Variants in COL21A1 observed in about 807,000 individuals in gnomAD.
COL21A1 encodes the protein collagen type XXI alpha 1 chain, also known as collagen alpha-1(XXI) chain.
COL21A1 carries 149 observed loss-of-function variants against 137.9 expected under a neutral mutation model. That is an observed-to-expected ratio of 1.08 (90% CI 0.95 to 1.24). COL21A1 has a LOEUF of 1.24. Among genes scored for constraint, COL21A1 ranks in the 50% most tolerant of loss-of-function variants. COL21A1 has a pLI of 0.00. For missense variants in COL21A1, 1,167 were observed against 1,158.4 expected, an observed-to-expected ratio of 1.01 and a Z score of -0.11; for synonymous variants, 456 against 391.5, an observed-to-expected ratio of 1.16 and a Z score of -1.95.
intron 1 of COL21A1, among the ~76,000 whole-genome samples, chr6:56,220,178 T>TGGC (rs1326363499): frequency 6.6e-6 from 1 of 152,138 alleles, no homozygotes; most frequent in Non-Finnish European, 1.5e-5. Context: ...TGCACAGTAC[T>TGGC]GGCATACAAG....
chr6:56,303,511 C>A (rs1382670297), intron 1 of COL21A1, among the ~76,000 whole-genome samples: 1 of 152,142 alleles, frequency 6.6e-6, no homozygotes, highest in Admixed American at 6.5e-5. Flanking sequence ...TGGGAGTTCA[C>A]TCATGATTTG....
chr6:56,111,270 C>A (rs1012198054), intron 16 of COL21A1, among the ~76,000 whole-genome samples: 1 of 151,824 alleles, frequency 6.6e-6, no homozygotes, highest in Non-Finnish European at 1.5e-5. Flanking sequence ...AAAGTCATGA[C>A]AGACAAGAAA....
intron 12 of COL21A1, chr6:56,126,397 G>A (rs1207340308): frequency 5.2e-6 from 2 of 387,956 alleles, no homozygotes; most frequent in Non-Finnish European, 9.3e-6. Context: ...TCCACCCTTA[G>A]TTAGCCACCA....
chr6:56,260,722 AG>A (rs1763247957), intron 1 of COL21A1, among the ~76,000 whole-genome samples: 1 of 151,144 alleles, frequency 6.6e-6, no homozygotes, highest in Non-Finnish European at 1.5e-5. Flanking sequence ...GCAGGAAGGG[AG>A]GCAGGCAGGA....
intron 1 of COL21A1, among the ~76,000 whole-genome samples, chr6:56,375,294 C>G (rs1187139854): frequency 6.6e-6 from 1 of 152,306 alleles, no homozygotes; most frequent in East Asian, 1.9e-4. Context: ...CCTCACTTCT[C>G]CACCCAGCTC....
At position 56,145,612 on chromosome 6, in the gene COL21A1, T is replaced by C. The variant is rs182605839; in HGVS notation, c.1435-3629A>G. Among the ~76,000 whole-genome samples the C allele has an allele frequency of 3.4e-4, 52 of 152,092 alleles. No individual in the cohort carries two copies. In the East Asian group the frequency reaches 9.9e-3, roughly 29 times the overall value. On this transcript the variant is annotated intron_variant, in intron 10 of 29. Transcript: ENST00000244728. ...CAACCTTAAAGAAAGGAAAATGCCT[T>C]AAAACAGGAAAAAATAAGCTTTTTA...
At chr6:56,059,812 G>A (rs1765638933) in intron 28 of COL21A1, among the ~76,000 whole-genome samples, 1 of 152,050 alleles carries the variant, frequency 6.6e-6, no homozygotes, top group South Asian at 2.1e-4. Flanking sequence ...AAGTTTATGT[G>A]TTCATAAATT....
At chr6:56,125,643 T>G (rs768750071) in intron 13 of COL21A1, 23 bp from the exon 14 acceptor site, 2 of 1,434,662 alleles carry the variant, frequency 1.4e-6, no homozygotes, top group Non-Finnish European at 1.9e-6. Context: ...ATATAAATAG[T>G]GAATATTTAA....
At chr6:56,291,224 T>C (rs1002188335) in intron 1 of COL21A1, among the ~76,000 whole-genome samples, 6 of 152,216 alleles carry the variant, frequency 3.9e-5, no homozygotes, top group Admixed American at 1.3e-4. Flanking sequence ...GAGGTAACAA[T>C]TGCAGAAAGC....
chr6:56,150,875 A>G (rs62413549), intron 10 of COL21A1, among the ~76,000 whole-genome samples: 10,988 of 152,256 alleles, frequency 0.072, 444 homozygotes, highest in Middle Eastern at 0.12. Context: ...AAACAACCCC[A>G]GATCTCTCTA....
chr6:56,362,706 A>G (rs1362738493), intron 1 of COL21A1, among the ~76,000 whole-genome samples: 1 of 151,880 alleles, frequency 6.6e-6, no homozygotes, highest in Non-Finnish European at 1.5e-5. Flanking sequence ...TCCTGCCAGC[A>G]TTTATACACA....
intron 1 of COL21A1, among the ~76,000 whole-genome samples, chr6:56,336,766 ATT>A (rs139418133): frequency 0.03 from 4,570 of 152,272 alleles, 99 homozygotes; most frequent in Non-Finnish European, 0.042. Context: ...TCCTCCTGGT[ATT>A]CTCACTGCTC....
At chr6:56,066,356 C>G (rs1213090454) in intron 23 of COL21A1, among the ~76,000 whole-genome samples, 2 of 151,854 alleles carry the variant, frequency 1.3e-5, no homozygotes, top group Admixed American at 1.3e-4. Flanking sequence ...CAAGTTTTGC[C>G]TATGACTATT....
chr6:56,097,268 A>G (rs2114233146), intron 17 of COL21A1, among the ~76,000 whole-genome samples: 1 of 152,198 alleles, frequency 6.6e-6, no homozygotes, highest in East Asian at 1.9e-4. Flanking sequence ...GGAGAGTCTC[A>G]CTCAGTAACT....
chr6:56,378,726 C>T (rs1452360248), intron 1 of COL21A1, among the ~76,000 whole-genome samples: 1 of 152,170 alleles, frequency 6.6e-6, no homozygotes, highest in East Asian at 1.9e-4. Context: ...GGGCCTTAAG[C>T]GAACATACGC....
intron 1 of COL21A1, among the ~76,000 whole-genome samples, chr6:56,271,660 C>T (rs1270520397): frequency 6.6e-6 from 1 of 152,220 alleles, no homozygotes; most frequent in East Asian, 1.9e-4. Flanking sequence ...CAGAGACCTT[C>T]ACAGCAGCCC....
At chr6:56,366,403 G>C (rs1449275559) in intron 1 of COL21A1, among the ~76,000 whole-genome samples, 1 of 152,154 alleles carries the variant, frequency 6.6e-6, no homozygotes, top group Non-Finnish European at 1.5e-5. Flanking sequence ...CGAGTGTCTG[G>C]TTGGGATCAT....
chr6:56,359,689 T>C (rs777466752), intron 1 of COL21A1, among the ~76,000 whole-genome samples: 1 of 152,156 alleles, frequency 6.6e-6, no homozygotes, highest in Non-Finnish European at 1.5e-5. Context: ...ATTGATATAT[T>C]AATGGAGGAT....
At chr6:56,058,188 A>G (rs1765494060) in intron 29 of COL21A1, among the ~76,000 whole-genome samples, 1 of 152,178 alleles carries the variant, frequency 6.6e-6, no homozygotes, top group African/African-American at 2.4e-5. Flanking sequence ...CAATATTATT[A>G]TAAATTAACA....
Sources: allele counts gnomAD v4.1 joint callset (sites outside exome capture counted in the v4.1 genomes callset), GRCh38; gene constraint gnomAD v4.1.1; transcripts MANE v1.5; gene names NCBI Gene and HGNC (gene_info 2026-07-23, HGNC 2026-07-21).